The following SYT1 variants were observed in gnomAD, a reference collection of about 807,000 sequenced individuals.
SYT1 encodes synaptotagmin 1, also known as synaptotagmin-1.
Under a neutral mutation model 44.8 loss-of-function variants are expected in SYT1, and 8 were observed. The observed-to-expected ratio is 0.18, with a 90% CI of 0.10 to 0.32. The LOEUF is 0.32. Ranked by LOEUF, SYT1 falls within the 10% of genes least tolerant of loss-of-function variation. The pLI, the probability that SYT1 is intolerant of heterozygous loss-of-function variation, is 1.00. For missense variants in SYT1, 286 were observed against 509.3 expected (o/e 0.56, Z 4.22); for synonymous variants, 154 against 188.8 (o/e 0.82, Z 1.51).
chr12:78,876,840 T>TG (rs1874146458), intron 1 of SYT1, among the ~76,000 whole-genome samples: 1 of 78,980 alleles, frequency 1.3e-5, no homozygotes, highest in Non-Finnish European at 2.3e-5. Flanking sequence ...GTATTATATA[T>TG]AATATATATT....
At chr12:78,955,966 A>G (rs1879193567) in intron 1 of SYT1, among the ~76,000 whole-genome samples, 1 of 152,046 alleles carries the variant, frequency 6.6e-6, no homozygotes, top group African/African-American at 2.4e-5. Context: ...CTGAAAATAA[A>G]TGAGTTGATC....
chr12:79,118,147 C>T (rs182370945), intron 3 of SYT1, among the ~76,000 whole-genome samples: 3 of 152,006 alleles, frequency 2.0e-5, no homozygotes, highest in South Asian at 2.1e-4. Flanking sequence ...TTGACAAGAC[C>T]CTTTTTTCTT....
chr12:79,180,489 A>T (rs200488410), intron 3 of SYT1, among the ~76,000 whole-genome samples: 6,585 of 26,526 alleles, frequency 0.25, 153 homozygotes, highest in African/African-American at 0.35. Context: ...TTTTTTTTTT[A>T]AAAAAAGGAG....
rs1197632385 is a variant in SYT1 at position 79,040,939 on chromosome 12, T to C, written c.-83-6358T>C. Among the ~76,000 whole-genome samples, 397 of 151,510 alleles carry C rather than the reference T, an allele frequency of 2.6e-3. 3 individuals are homozygous for C. Among genetic ancestry groups the C allele is most frequent in the Middle Eastern group, 0.01 (3 of 292 alleles). ...GTCAAAGATCAGATAGTTGTAGATA[T>C]GCGGCGTTATTTCTGAGGGCTCTGT... On this transcript the variant is annotated intron_variant, in intron 2 of 10. Transcript: ENST00000261205.
chr12:79,428,776 A>G (rs1019934895), intron 9 of SYT1, among the ~76,000 whole-genome samples: 14 of 152,276 alleles, frequency 9.2e-5, no homozygotes, highest in African/African-American at 3.1e-4. Context: ...GCCTTAGTCC[A>G]CTTGCATTGC....
chr12:79,442,517 CAT>C (rs1870484463), intron 9 of SYT1, among the ~76,000 whole-genome samples: 2 of 152,106 alleles, frequency 1.3e-5, no homozygotes, highest in Non-Finnish European at 2.9e-5. Context: ...CTCCTAACAA[CAT>C]ATATCCTAGT....
At chr12:79,148,222 C>T (rs538705649) in intron 3 of SYT1, among the ~76,000 whole-genome samples, 4 of 151,992 alleles carry the variant, frequency 2.6e-5, no homozygotes, top group Middle Eastern at 3.2e-3. Context: ...TGATCCATTC[C>T]GAAGAACTTT....
At chr12:79,383,092 C>T (rs921990572) in intron 9 of SYT1, among the ~76,000 whole-genome samples, 14 of 152,234 alleles carry the variant, frequency 9.2e-5, no homozygotes, top group African/African-American at 3.1e-4. Flanking sequence ...TATACAGTCA[C>T]GTGGGATACA....
At chr12:79,385,825 G>A (rs1446431329) in intron 9 of SYT1, among the ~76,000 whole-genome samples, 1 of 152,110 alleles carries the variant, frequency 6.6e-6, no homozygotes, top group Non-Finnish European at 1.5e-5. Flanking sequence ...ATGTGCCACT[G>A]GTGTCTTAGG....
chr12:79,176,447 T>A (rs1436937843), intron 3 of SYT1, among the ~76,000 whole-genome samples: 1 of 151,986 alleles, frequency 6.6e-6, no homozygotes, highest in Admixed American at 6.6e-5. Flanking sequence ...TAGAAACACT[T>A]CACAGTTCAC....
chr12:78,875,230 C>T (rs1027594108), intron 1 of SYT1, among the ~76,000 whole-genome samples: 2 of 151,518 alleles, frequency 1.3e-5, no homozygotes, highest in Middle Eastern at 3.4e-3. Context: ...TATATTTCTT[C>T]GGTAAGTATG....
At chr12:78,874,320 A>G (rs976474878) in intron 1 of SYT1, among the ~76,000 whole-genome samples, 2 of 151,608 alleles carry the variant, frequency 1.3e-5, no homozygotes, top group Non-Finnish European at 3.0e-5. Context: ...AAATGTCAGA[A>G]GAAGAGAATA....
chr12:79,178,943 G>A (rs60865546), intron 3 of SYT1, among the ~76,000 whole-genome samples: 33,785 of 54,364 alleles, frequency 0.62, 13,617 homozygotes, highest in African/African-American at 0.8. Context: ...TATAGATATA[G>A]ATATAGATAT....
intron 8 of SYT1, among the ~76,000 whole-genome samples, chr12:79,305,782 C>T (rs7960281): frequency 0.063 from 9,547 of 152,170 alleles, 391 homozygotes; most frequent in African/African-American, 0.12. Context: ...TGCAACCCCC[C>T]GCCTCCCGGG....
chr12:78,951,369 G>A (rs1878958665), intron 1 of SYT1, among the ~76,000 whole-genome samples: 1 of 152,000 alleles, frequency 6.6e-6, no homozygotes, highest in Admixed American at 6.6e-5. Context: ...ATTACACATA[G>A]AATCAATATC....
chr12:78,945,673 T>C (rs1021613217), intron 1 of SYT1, among the ~76,000 whole-genome samples: 3 of 152,110 alleles, frequency 2.0e-5, no homozygotes, highest in African/African-American at 7.2e-5. Flanking sequence ...AGGGTTATGC[T>C]TCTTTACTAA....
At chr12:78,871,918 A>G in intron 1 of SYT1, among the ~76,000 whole-genome samples, 1 of 151,844 alleles carries the variant, frequency 6.6e-6, no homozygotes, top group South Asian at 2.1e-4. Context: ...AATGTTCAGA[A>G]TCCGAGGCCA....
chr12:78,996,511 C>A (rs543019383), intron 2 of SYT1, among the ~76,000 whole-genome samples: 107 of 152,292 alleles, frequency 7.0e-4, no homozygotes, highest in African/African-American at 2.5e-3. Context: ...GAGCTTTAAA[C>A]TTCCCTTGAT....
In SYT1 at chr12:78,885,961, A is replaced by G. The variant is rs531607265; in HGVS notation, c.-217+20852A>G. Among the ~76,000 whole-genome samples the G allele has an allele frequency of 7.6e-4, 116 of 152,092 alleles. 4 individuals carry two copies. Among genetic ancestry groups the G allele is most frequent in the African/African-American group, 2.5e-3 (102 of 41,534 alleles). On this transcript the variant is annotated intron_variant, in intron 1 of 10. Coordinates refer to ENST00000261205, the MANE Select transcript of SYT1 (RefSeq NM_005639.3). ...GTATTTCCTAGATTTTGTGACCTCTAAGTACATTAAGATAGCAGTGGAAAG... is the reference window on the plus strand; with the variant it reads ...GTATTTCCTAGATTTTGTGACCTCTGAGTACATTAAGATAGCAGTGGAAAG...
Sources: gnomAD v4.1 joint callset for allele counts (sites outside exome capture counted in the v4.1 genomes callset) on GRCh38, gnomAD v4.1.1 for gene constraint, MANE v1.5 for transcripts, NCBI Gene and HGNC (gene_info 2026-07-23, HGNC 2026-07-21) for gene names.